The following CYP2C19 variants were observed in gnomAD, a reference collection of about 807,000 sequenced individuals.
CYP2C19 encodes cytochrome P450 2C19.
A neutral mutation model predicts 40.9 loss-of-function variants in CYP2C19; 59 were observed. The ratio of observed to expected loss-of-function variants is 1.44; its 90% confidence interval spans 1.17 to 1.79. CYP2C19 has a LOEUF of 1.79. CYP2C19 is among the 40% of genes most tolerant of loss of function. The pLI is 0.00. For missense variants in CYP2C19, 754 were observed against 596.9 expected, an observed-to-expected ratio of 1.26 and a Z score of -2.74; for synonymous variants, 253 against 208.7, an observed-to-expected ratio of 1.21 and a Z score of -1.83.
In CYP2C19 at chr10:94,818,222, G is replaced by A. The variant is rs1463929094; in HGVS notation, c.820-2274G>A. On this transcript the variant is annotated intron_variant, in intron 5 of 8. Transcript: ENST00000371321. ...TGTAGGTATGCGGCGTTATTTCTGA[G>A]GGCTCTGTTCTGTTCCATTGATCTA... Among the ~76,000 whole-genome samples, 986 of 145,284 alleles carry A rather than the reference G, an allele frequency of 6.8e-3. 13 individuals are homozygous for A. The highest frequency in any genetic ancestry group is 0.024 in the African/African-American group (950 of 39,026).
chr10:94,826,870 G>C (rs537569942), intron 6 of CYP2C19, among the ~76,000 whole-genome samples: 32 of 149,854 alleles, frequency 2.1e-4, no homozygotes, highest in African/African-American at 6.5e-4. Flanking sequence ...TAGCATGAAG[G>C]GCTGTTGAAT....
chr10:94,823,187 A>T (rs1164066526), intron 6 of CYP2C19, among the ~76,000 whole-genome samples: 1 of 152,204 alleles, frequency 6.6e-6, no homozygotes, highest in Non-Finnish European at 1.5e-5. Flanking sequence ...TGGAAGTGCC[A>T]AGGGTCAAAT....
chr10:94,853,552 T>C lies in CYP2C19; in HGVS notation c.*638T>C, dbSNP rs1398268046. ...AATGTTCCACATTGGTGTTCCTTTT[T>C]TTTTTTTTTTTGAGACAATGTCTCA... On this transcript the variant is annotated 3_prime_UTR_variant, in exon 9 of 9. Transcript: ENST00000371321. Among the ~76,000 whole-genome samples the C allele has an allele frequency of 2.6e-5, 4 of 150,980 alleles. No homozygotes were observed. The highest frequency in any genetic ancestry group is 5.9e-5 in the Non-Finnish European group (4 of 67,682).
At position 94,800,335 on chromosome 10, in the gene CYP2C19, CTGCAGAACAGCAAATAT is replaced by C. The variant is rs774868698; in HGVS notation, c.819+18359_819+18375del. Reference sequence around the variant, plus strand: ...TTTGCCTGGGTATAACCAGCGGAGGCTGCAGAACAGCAAATATTGCAGAACAGCAAATATTGCTGCCT... The same window carrying C: ...TTTGCCTGGGTATAACCAGCGGAGGCTGCAGAACAGCAAATATTGCTGCCT... On this transcript the variant is annotated intron_variant, in intron 5 of 8. Transcript: ENST00000371321. 3.7e-4 allele frequency among the ~76,000 whole-genome samples: 57 copies of C among 152,360 alleles called. No individual in the cohort carries two copies. The South Asian group carries it at 8.1e-3, about 22-fold the overall frequency.
In CYP2C19 at chr10:94,806,143, C is replaced by A. The variant is rs1848832683; in HGVS notation, c.820-14353C>A. Among the ~76,000 whole-genome samples the A allele has an allele frequency of 2.6e-5, 4 of 151,384 alleles. No individual in the cohort carries two copies. The South Asian group carries it at 8.3e-4, about 31-fold the overall frequency. Reference sequence around the variant, plus strand: ...GCTGGGTACCTCATAGAAGTGGAATCATTACATATTTGCCCTTTTGTGACT... The same window carrying A: ...GCTGGGTACCTCATAGAAGTGGAATAATTACATATTTGCCCTTTTGTGACT... On this transcript the variant is annotated intron_variant, in intron 5 of 8. Transcript: ENST00000371321.
chr10:94,839,559 A>G (rs1002832896), intron 6 of CYP2C19, among the ~76,000 whole-genome samples: 1 of 152,216 alleles, frequency 6.6e-6, no homozygotes, highest in African/African-American at 2.4e-5. Context: ...ATTCGCATAA[A>G]CAACAGTTCT....
Position 94,811,891 on chromosome 10 carries a change from G to T in CYP2C19, c.820-8605G>T, listed in dbSNP as rs752593496. On this transcript the variant is annotated intron_variant, in intron 5 of 8. Transcript: ENST00000371321. ...CCTGTTTACATTTAAGGTTAATATT[G>T]TGTGTGGATTTAATCCTGCCATTAT... 8.6e-5 allele frequency among the ~76,000 whole-genome samples: 13 copies of T among 151,964 alleles called. No individual in the cohort carries two copies. In the East Asian group the frequency reaches 9.7e-4, roughly 11 times the overall value.
intron 6 of CYP2C19, among the ~76,000 whole-genome samples, chr10:94,841,132 C>T (rs1300660029): frequency 3.3e-5 from 5 of 152,172 alleles, no homozygotes; most frequent in East Asian, 3.9e-4. Context: ...CTTGGCCTCA[C>T]GAATTCCAAG....
rs569827001 is a variant in CYP2C19, at chr10:94,837,270, G to T, written c.962-5567G>T. Reference sequence around the variant, plus strand: ...GTTTTACTAGGCCTTGGGCTTTTAGGTCCTTAACAATCTTTTGGAGTCCTT... The same window carrying T: ...GTTTTACTAGGCCTTGGGCTTTTAGTTCCTTAACAATCTTTTGGAGTCCTT... On this transcript the variant is annotated intron_variant, in intron 6 of 8. Transcript: ENST00000371321. 1.7e-4 allele frequency among the ~76,000 whole-genome samples: 26 copies of T among 152,264 alleles called. No homozygotes were observed. The East Asian group carries it at 4.6e-3, about 27-fold the overall frequency.
rs141696075 is a variant in CYP2C19 at position 94,763,911 on chromosome 10, C to G, written c.168+1038C>G. ...TGTTCCTTCAGATGTTCAGATGCAT[C>G]TGGAGTTTCTTCCTTCTGCTGGGTT... is the stretch of plus-strand genomic sequence containing the variant. On this transcript the variant is annotated intron_variant, in intron 1 of 8. Coordinates refer to ENST00000371321, the MANE Select transcript of CYP2C19 (RefSeq NM_000769.4). 9.2e-5 allele frequency among the ~76,000 whole-genome samples: 14 copies of G among 152,190 alleles called. No homozygotes were observed. The East Asian group carries it at 2.7e-3, about 29-fold the overall frequency.
intron 5 of CYP2C19, among the ~76,000 whole-genome samples, chr10:94,800,989 C>T (rs1848756297): frequency 6.6e-6 from 1 of 152,172 alleles, no homozygotes; most frequent in Admixed American, 6.5e-5. Flanking sequence ...TGAGGCAGTG[C>T]CCCACCCTTC....
intron 5 of CYP2C19, among the ~76,000 whole-genome samples, chr10:94,795,410 A>G (rs1213574145): frequency 6.6e-6 from 1 of 151,944 alleles, no homozygotes; most frequent in Non-Finnish European, 1.5e-5. Context: ...TCATTGATGG[A>G]CATTTGGGTT....
intron 7 of CYP2C19, among the ~76,000 whole-genome samples, chr10:94,847,584 T>A (rs373291019): frequency 6.6e-6 from 1 of 152,178 alleles, no homozygotes; most frequent in Non-Finnish European, 1.5e-5. Flanking sequence ...ATCCTTTGGG[T>A]ATATACCCAG....
intron 5 of CYP2C19, among the ~76,000 whole-genome samples, chr10:94,799,847 G>T (rs114035987): frequency 3.3e-5 from 5 of 151,818 alleles, no homozygotes; most frequent in African/African-American, 9.7e-5. Flanking sequence ...CATGGTTTTT[G>T]GTTCCATCAG....
chr10:94,832,548 C>G (rs997696637), intron 6 of CYP2C19, among the ~76,000 whole-genome samples: 2 of 152,098 alleles, frequency 1.3e-5, no homozygotes, highest in African/African-American at 4.8e-5. Flanking sequence ...ATGTCAGCAC[C>G]TTTGTCAAGA....
intron 5 of CYP2C19, among the ~76,000 whole-genome samples, chr10:94,817,311 G>A (rs920829578): frequency 6.6e-6 from 1 of 151,188 alleles, no homozygotes; most frequent in African/African-American, 2.4e-5. Context: ...GTTTTGATTT[G>A]TATTTCTCTG....
At position 94,789,049 on chromosome 10, in the gene CYP2C19, G is replaced by T. The variant is rs545770987; in HGVS notation, c.819+7052G>T. On this transcript the variant is annotated intron_variant, in intron 5 of 8. Coordinates refer to ENST00000371321, the MANE Select transcript of CYP2C19 (RefSeq NM_000769.4). ...TAATGTTCGCCATTCTAACTGGCATGTGATGGTATCTCATTGTGGTTTTGA... is the reference window on the plus strand; with the variant it reads ...TAATGTTCGCCATTCTAACTGGCATTTGATGGTATCTCATTGTGGTTTTGA... 6.6e-5 allele frequency among the ~76,000 whole-genome samples: 10 copies of T among 152,278 alleles called. No homozygotes were observed. The South Asian group carries it at 2.1e-3, about 32-fold the overall frequency.
At chr10:94,835,368 T>G (rs1849386707) in intron 6 of CYP2C19, among the ~76,000 whole-genome samples, 2 of 152,164 alleles carry the variant, frequency 1.3e-5, no homozygotes, top group African/African-American at 4.8e-5. Context: ...TGCAGGCAAA[T>G]GTAATTTTCC....
At chr10:94,851,224 A>G (rs985397839) in intron 8 of CYP2C19, among the ~76,000 whole-genome samples, 2 of 152,042 alleles carry the variant, frequency 1.3e-5, no homozygotes, top group African/African-American at 4.8e-5. Context: ...GCAAGCATAT[A>G]TTTTCATGGA....
Sources: allele counts gnomAD v4.1 joint callset (sites outside exome capture counted in the v4.1 genomes callset), GRCh38; gene constraint gnomAD v4.1.1; transcripts MANE v1.5; gene names NCBI Gene and HGNC (gene_info 2026-07-23, HGNC 2026-07-21).